RPS6KB1: variants seen among roughly 807,000 people sequenced by gnomAD.
The protein encoded by RPS6KB1 is ribosomal protein S6 kinase B1.
A neutral mutation model predicts 70.2 loss-of-function variants in RPS6KB1; 12 were observed. That is an observed-to-expected ratio of 0.17 (90% CI 0.11 to 0.28). The LOEUF is 0.28. RPS6KB1 is among the 10% of genes least tolerant of loss of function. The pLI is 1.00. For missense variants in RPS6KB1, 270 were observed against 646.6 expected (o/e 0.42, Z 6.32); for synonymous variants, 175 against 211.2 (o/e 0.83, Z 1.49).
intron 1 of RPS6KB1, among the ~76,000 whole-genome samples, chr17:59,897,446 T>C (rs2041629361): frequency 6.6e-6 from 1 of 152,228 alleles, no homozygotes. Context: ...ATAATTGCAG[T>C]TAAACTCGAG....
intron 4 of RPS6KB1, among the ~76,000 whole-genome samples, chr17:59,915,775 CTTTTTTTT>C (rs71370143): frequency 1.3e-5 from 1 of 77,922 alleles, no homozygotes; most frequent in African/African-American, 6.4e-5. Flanking sequence ...CTACTGCTAT[CTTTTTTTT>C]TTTTTTTTTT....
intron 4 of RPS6KB1, among the ~76,000 whole-genome samples, chr17:59,920,918 C>CA (rs1435926377): frequency 6.6e-6 from 1 of 152,146 alleles, no homozygotes. Flanking sequence ...AGGCTGGTCT[C>CA]AAACTCCTGA....
chr17:59,936,442 C>T (rs2044250370), intron 11 of RPS6KB1, 22 bp from the exon 12 acceptor site: 4 of 1,611,082 alleles, frequency 2.5e-6, no homozygotes, highest in African/African-American at 1.3e-5. Flanking sequence ...CTCAACTTTT[C>T]TTCCTGCTTT....
At chr17:59,898,045 C>T (rs1039335783) in intron 1 of RPS6KB1, among the ~76,000 whole-genome samples, 1 of 150,766 alleles carries the variant, frequency 6.6e-6, no homozygotes, top group African/African-American at 2.4e-5. Flanking sequence ...AGTTTTTGGG[C>T]GGAGGGTGTC....
rs992545049 is a variant in RPS6KB1 at position 59,936,022 on chromosome 17, A to T, written c.979-193A>T. Among the ~76,000 whole-genome samples, 3 of 149,708 alleles carry T rather than the reference A, an allele frequency of 2.0e-5. No homozygotes were observed. In the Admixed American group the frequency reaches 2.0e-4, roughly 10 times the overall value. ...AGAAGGGGTTTCACCATGTTGGCCA[A>T]CCTCGAACTCCCAACCTCAGGTGAT... On this transcript the variant is annotated intron_variant, in intron 10 of 14. Coordinates refer to ENST00000225577, the MANE Select transcript of RPS6KB1 (RefSeq NM_003161.4).
intron 4 of RPS6KB1, among the ~76,000 whole-genome samples, chr17:59,916,253 A>G (rs1011198937): frequency 1.3e-5 from 2 of 151,454 alleles, no homozygotes; most frequent in African/African-American, 2.4e-5. Context: ...GGCGCCCACC[A>G]CCACACCCGG....
At chr17:59,923,444 C>T (rs1227116235) in intron 4 of RPS6KB1, among the ~76,000 whole-genome samples, 5 of 152,270 alleles carry the variant, frequency 3.3e-5, no homozygotes, top group Admixed American at 1.3e-4. Flanking sequence ...CCGCCTGCCT[C>T]GGTTTCCCAA....
In RPS6KB1 at chr17:59,946,680, G is replaced by T. The variant is rs753992103; in HGVS notation, c.1470G>T (p.Gly490=). The T allele has an allele frequency of 1.9e-6, 3 of 1,614,134 alleles. No individual in the cohort carries two copies. The highest frequency in any genetic ancestry group is 2.5e-6 in the Non-Finnish European group (3 of 1,180,026). Residue 490 remains glycine (G), a synonymous_variant, in exon 15 of 15, where the codon GGG becomes GGT. Transcript: ENST00000225577. This position sits in a 1 kb window ranked among gnomAD's most constrained non-coding sequence, Gnocchi z 4.2. The part of the protein sequence containing the change: ...GIEQMDVTMS[G]EASAPLPIRQ... ...AGCAGATGGATGTGACAATGAGTGG[G>T]GAAGCATCGGCACCACTTCCAATAC...
rs2044973153 is a variant in RPS6KB1, at chr17:59,947,113, T to C, written c.*325T>C. 18 of 1,146,528 alleles carry C rather than the reference T, an allele frequency of 1.6e-5. No homozygotes were observed. The South Asian group carries it at 4.2e-4, about 27-fold the overall frequency. The allele number at this position is 1,146,528 out of a possible 1,614,324, so 71.0% of individuals were successfully genotyped here. ...GGGTAGGATGTTGCTTCTGAATCAC[T>C]GTTGAGTTCTGATTGTGTTGAAGAA... On this transcript the variant is annotated 3_prime_UTR_variant, in exon 15 of 15. Coordinates refer to ENST00000225577, the MANE Select transcript of RPS6KB1 (RefSeq NM_003161.4).
chr17:59,897,654 T>G (rs1368719219), intron 1 of RPS6KB1, among the ~76,000 whole-genome samples: 1 of 152,158 alleles, frequency 6.6e-6, no homozygotes, highest in African/African-American at 2.4e-5. Context: ...GTTGAATATC[T>G]GCCACCTAAC....
At position 59,947,381 on chromosome 17, in the gene RPS6KB1, T is replaced by G; in HGVS notation, c.*593T>G. The G allele has an allele frequency of 8.1e-7, 1 of 1,229,922 alleles. No individual in the cohort carries two copies. The highest frequency in any genetic ancestry group is 1.0e-6 in the Non-Finnish European group (1 of 977,350). The allele number at this position is 1,229,922 out of a possible 1,614,324, so 76.2% of individuals were successfully genotyped here. ...CATCCCAAACTTTAAAATGCGAAAT[T>G]ATTGGTTGGTGTGAAGAAAGCCAGA... On this transcript the variant is annotated 3_prime_UTR_variant, in exon 15 of 15. Transcript: ENST00000225577.
chr17:59,893,487 C>T lies in RPS6KB1; in HGVS notation c.141+162C>T, dbSNP rs543273961. 1.5e-3 allele frequency among the ~76,000 whole-genome samples: 227 copies of T among 152,256 alleles called. 1 individual carries two copies. The highest frequency in any genetic ancestry group is 6.8e-3 in the Middle Eastern group (2 of 294). ...GGGAGCGGGCGGGGCGGTCATGGCC[C>T]TAGGTGTGAGGCCTCTGCGGGGCTC... is the stretch of plus-strand genomic sequence containing the variant. On this transcript the variant is annotated intron_variant, in intron 1 of 14. Transcript: ENST00000225577. This position sits in a 1 kb window ranked among gnomAD's most constrained non-coding sequence, Gnocchi z 4.1.
At position 59,947,561 on chromosome 17, in the gene RPS6KB1, ATC is replaced by A. The variant is rs2044998601; in HGVS notation, c.*775_*776del. On this transcript the variant is annotated 3_prime_UTR_variant, in exon 15 of 15. Transcript: ENST00000225577. ...CTGTAATATGAGAAAAAAAAAATGA[ATC>A]TATTTAATCATTTCTACTTGCAGTA... 1 of 1,535,550 alleles carries A rather than the reference ATC, an allele frequency of 6.5e-7. No individual in the cohort carries two copies. The highest frequency in any genetic ancestry group is 8.8e-7 in the Non-Finnish European group (1 of 1,135,236).
intron 5 of RPS6KB1, among the ~76,000 whole-genome samples, chr17:59,927,032 C>T (rs2043648056): frequency 6.6e-6 from 1 of 152,070 alleles, no homozygotes; most frequent in Non-Finnish European, 1.5e-5. Context: ...CCAGGGCCTA[C>T]CACCTCGTAG....
At chr17:59,905,122 A>G (rs1037818420) in intron 1 of RPS6KB1, among the ~76,000 whole-genome samples, 15 of 151,930 alleles carry the variant, frequency 9.9e-5, no homozygotes, top group African/African-American at 3.1e-4. Context: ...ACTCAAAGCA[A>G]TCCTCCTACC....
chr17:59,912,558 T>C, intron 2 of RPS6KB1, 126 bp from the exon 3 acceptor site: 1 of 871,046 alleles, frequency 1.1e-6, no homozygotes, highest in South Asian at 1.8e-5. Context: ...ACAAATAATT[T>C]GGTGTCATGT....
At chr17:59,903,696 C>G (rs918919259) in intron 1 of RPS6KB1, among the ~76,000 whole-genome samples, 1 of 152,066 alleles carries the variant, frequency 6.6e-6, no homozygotes, top group Non-Finnish European at 1.5e-5. Flanking sequence ...TTCTCTCATC[C>G]TCCCCCAACT....
chr17:59,919,959 C>T lies in RPS6KB1; in HGVS notation c.381+5256C>T, dbSNP rs181462112. 5.3e-5 allele frequency among the ~76,000 whole-genome samples: 8 copies of T among 152,334 alleles called. No individual in the cohort carries two copies. In the East Asian group the frequency reaches 1.5e-3, roughly 29 times the overall value. ...TTGATCTTACCCCACTCTGCTACAT[C>T]ATGGACCATTGCTTTATCCCCACTC... On this transcript the variant is annotated intron_variant, in intron 4 of 14. Transcript: ENST00000225577.
intron 4 of RPS6KB1, among the ~76,000 whole-genome samples, chr17:59,921,739 A>C (rs1374610120): frequency 6.6e-6 from 1 of 152,128 alleles, no homozygotes; most frequent in African/African-American, 2.4e-5. Context: ...TACCAGTTGC[A>C]GCAAAAATAT....
Sources: allele counts gnomAD v4.1 joint callset (sites outside exome capture counted in the v4.1 genomes callset), GRCh38; gene constraint gnomAD v4.1.1; non-coding constraint Gnocchi (gnomAD v3.1); transcripts MANE v1.5; gene names NCBI Gene and HGNC (gene_info 2026-07-23, HGNC 2026-07-21).